The following KIAA1217 variants were observed in gnomAD, a reference collection of about 807,000 sequenced individuals.
KIAA1217 encodes the protein sickle tail protein homolog.
In KIAA1217, 88 loss-of-function variants were observed where a neutral mutation model predicts 163.9. That is an observed-to-expected ratio of 0.54 (90% confidence interval 0.45 to 0.64). KIAA1217 has a LOEUF of 0.64. Among genes scored for constraint, KIAA1217 ranks in the 30% least tolerant of loss-of-function variants. The pLI is 0.00. For missense variants in KIAA1217, 2,372 were observed against 2,475.0 expected (o/e 0.96, Z 0.88); for synonymous variants, 903 against 923.1 (o/e 0.98, Z 0.39).
intron 1 of KIAA1217, among the ~76,000 whole-genome samples, chr10:24,005,083 T>C (rs1589222950): frequency 1.3e-5 from 2 of 152,302 alleles, no homozygotes; most frequent in East Asian, 3.9e-4. Context: ...ATGGAGAGAA[T>C]GGGCTACGGA....
intron 2 of KIAA1217, among the ~76,000 whole-genome samples, chr10:24,275,075 C>T (rs1487965003): frequency 6.6e-6 from 1 of 152,178 alleles, no homozygotes; most frequent in Non-Finnish European, 1.5e-5. Flanking sequence ...ATATCTGGGA[C>T]TACAGGCACA....
chr10:24,495,201 G>A lies in KIAA1217; in HGVS notation c.1834+5G>A. On this transcript the variant is annotated splice_donor_5th_base_variant and intron_variant, in intron 8 of 20. Coordinates refer to ENST00000376454, the MANE Select transcript of KIAA1217 (RefSeq NM_019590.5). ...GGAACCACACAGATAGTGCAGGTAA[G>A]TAAGTGTTTTTGGAGCTGTAGGAGG... 3.1e-6 allele frequency: 5 copies of A among 1,611,362 alleles called. No homozygotes were observed. Among genetic ancestry groups the A allele is most frequent in the Non-Finnish European group, 4.2e-6 (5 of 1,179,030 alleles).
chr10:24,197,033 G>T (rs2130501117), intron 2 of KIAA1217, among the ~76,000 whole-genome samples: 1 of 152,308 alleles, frequency 6.6e-6, no homozygotes, highest in South Asian at 2.1e-4. Context: ...ACGATATGGA[G>T]TTAAACGAAA....
intron 3 of KIAA1217, among the ~76,000 whole-genome samples, chr10:24,430,635 G>A (rs958487157): frequency 2.6e-5 from 4 of 152,328 alleles, no homozygotes; most frequent in Admixed American, 6.5e-5. Flanking sequence ...CCATCTGGAG[G>A]TGATGAGTGA....
At chr10:23,950,806 G>C (rs1433150589) in intron 1 of KIAA1217, among the ~76,000 whole-genome samples, 1 of 152,112 alleles carries the variant, frequency 6.6e-6, no homozygotes, top group Non-Finnish European at 1.5e-5. Flanking sequence ...TTTCTCTCTA[G>C]TAGAACATAA....
chr10:23,978,248 C>G (rs986844669), intron 1 of KIAA1217, among the ~76,000 whole-genome samples: 7 of 152,156 alleles, frequency 4.6e-5, no homozygotes, highest in Non-Finnish European at 7.3e-5. Context: ...CATGTTCTGT[C>G]TTTATGCTGG....
intron 2 of KIAA1217, among the ~76,000 whole-genome samples, chr10:24,377,658 A>G (rs968610208): frequency 1.3e-5 from 2 of 152,206 alleles, no homozygotes; most frequent in African/African-American, 4.8e-5. Context: ...AAATAAAATC[A>G]ACATCCTTGT....
intron 3 of KIAA1217, among the ~76,000 whole-genome samples, chr10:24,407,287 C>CGT (rs1215226210): frequency 6.9e-6 from 1 of 144,384 alleles, no homozygotes; most frequent in African/African-American, 2.6e-5. Flanking sequence ...TGTGTGTGTG[C>CGT]GTGCGTGTGC....
chr10:23,823,422 C>G (rs1031037504), intron 1 of KIAA1217, among the ~76,000 whole-genome samples: 2 of 152,188 alleles, frequency 1.3e-5, no homozygotes, highest in Admixed American at 1.3e-4. Context: ...CTCTGACTTC[C>G]TCTTTTGCTG....
intron 1 of KIAA1217, among the ~76,000 whole-genome samples, chr10:23,700,778 A>G (rs553205330): frequency 1.3e-5 from 2 of 152,318 alleles, no homozygotes; most frequent in African/African-American, 4.8e-5. Flanking sequence ...ACTATTTTAA[A>G]TTACATCCAT....
At chr10:24,048,332 A>G (rs1319645534) in intron 2 of KIAA1217, among the ~76,000 whole-genome samples, 1 of 152,270 alleles carries the variant, frequency 6.6e-6, no homozygotes, top group East Asian at 1.9e-4. Context: ...AGAATATTTA[A>G]TGGCAACTTT....
intron 1 of KIAA1217, among the ~76,000 whole-genome samples, chr10:23,724,301 C>A (rs16923706): frequency 0.053 from 8,003 of 152,156 alleles, 710 homozygotes; most frequent in African/African-American, 0.18. Context: ...TTTGATAATT[C>A]CTATGTGCTT....
chr10:24,151,123 C>T (rs150976239), intron 2 of KIAA1217, among the ~76,000 whole-genome samples: 10 of 151,990 alleles, frequency 6.6e-5, no homozygotes, highest in Non-Finnish European at 1.2e-4. Flanking sequence ...GGGCAGGAGG[C>T]GCATCTGAGC....
intron 2 of KIAA1217, among the ~76,000 whole-genome samples, chr10:24,189,296 C>T (rs1029807897): frequency 2.2e-4 from 34 of 151,806 alleles, no homozygotes; most frequent in African/African-American, 8.2e-4. Context: ...AGTGGTTGGC[C>T]GAAGGAGCAC....
chr10:23,994,722 A>T (rs191930715), intron 1 of KIAA1217, among the ~76,000 whole-genome samples: 1 of 152,336 alleles, frequency 6.6e-6, no homozygotes, highest in Admixed American at 6.5e-5. Context: ...TCCGAACCAT[A>T]CAACTTTTCT....
intron 1 of KIAA1217, among the ~76,000 whole-genome samples, chr10:23,717,797 A>T (rs1278510453): frequency 6.6e-6 from 1 of 152,178 alleles, no homozygotes; most frequent in Non-Finnish European, 1.5e-5. Flanking sequence ...AACGAAGATG[A>T]AAAAACTATC....
At chr10:24,420,407 T>A (rs1295002225) in intron 3 of KIAA1217, among the ~76,000 whole-genome samples, 1 of 152,232 alleles carries the variant, frequency 6.6e-6, no homozygotes, top group East Asian at 1.9e-4. Flanking sequence ...TTAATTATTC[T>A]GAATGCAAAT....
chr10:23,887,775 A>G (rs9971218), intron 1 of KIAA1217, among the ~76,000 whole-genome samples: 44,916 of 151,682 alleles, frequency 0.3, 6,949 homozygotes, highest in African/African-American at 0.37. Context: ...GATGGATTGC[A>G]GTGGCACAAT....
chr10:24,202,083 G>T (rs112419309), intron 2 of KIAA1217, among the ~76,000 whole-genome samples: 40 of 152,208 alleles, frequency 2.6e-4, no homozygotes, highest in African/African-American at 8.7e-4. Context: ...CCTCCCGGGG[G>T]TGACATGGAA....
Sources: gnomAD v4.1 joint callset for allele counts (sites outside exome capture counted in the v4.1 genomes callset) on GRCh38, gnomAD v4.1.1 for gene constraint, MANE v1.5 for transcripts, NCBI Gene and HGNC (gene_info 2026-07-23, HGNC 2026-07-21) for gene names.